CHCHD3: variants seen among roughly 807,000 people sequenced by gnomAD.
CHCHD3 encodes MICOS complex subunit MIC19.
CHCHD3 carries 20 observed loss-of-function variants against 38.2 expected under a neutral mutation model. The observed-to-expected ratio is 0.52, with a 90% confidence interval of 0.37 to 0.76. The LOEUF is 0.76. CHCHD3 is among the 30% of genes least tolerant of loss of function. CHCHD3 has a pLI of 0.00. For synonymous variants in CHCHD3, 82 were observed against 100.0 expected, an observed-to-expected ratio of 0.82 and a Z score of 1.07; for missense variants, 245 against 279.2, an observed-to-expected ratio of 0.88 and a Z score of 0.87.
At chr7:133,051,369 G>C (rs1486160180) in intron 2 of CHCHD3, among the ~76,000 whole-genome samples, 1 of 152,130 alleles carries the variant, frequency 6.6e-6, no homozygotes, top group Non-Finnish European at 1.5e-5. Flanking sequence ...CCAAAACACA[G>C]CTGCTCTGTT....
At chr7:132,828,039 T>C (rs138008523) in intron 6 of CHCHD3, among the ~76,000 whole-genome samples, 206 of 152,312 alleles carry the variant, frequency 1.4e-3, no homozygotes, top group African/African-American at 4.6e-3. Context: ...ATTCGGATTG[T>C]TGCTAGTTTT....
rs970024172 is a variant in CHCHD3 at position 132,785,547 on chromosome 7, T to C, written c.*90A>G. On this transcript the variant is annotated 3_prime_UTR_variant, in exon 8 of 8. Transcript: ENST00000262570. Reference sequence around the variant, plus strand: ...TTAGTGGTCTTCTCATTAGTGGTCTTCTCTTCAAATGGGTTGTTTTCTCAC... The same window carrying C: ...TTAGTGGTCTTCTCATTAGTGGTCTCCTCTTCAAATGGGTTGTTTTCTCAC... 7.0e-6 allele frequency: 9 copies of C among 1,280,902 alleles called. No individual in the cohort carries two copies. The highest frequency in any genetic ancestry group is 9.1e-6 in the Non-Finnish European group (8 of 881,258). The allele number at this position is 1,280,902 out of a possible 1,614,324, so 79.3% of individuals were successfully genotyped here.
chr7:132,831,783 T>C (rs543370494), intron 6 of CHCHD3, among the ~76,000 whole-genome samples: 4 of 152,186 alleles, frequency 2.6e-5, no homozygotes, highest in Non-Finnish European at 4.4e-5. Context: ...TGAGGTTGCA[T>C]TGACATTCAG....
rs553562177 is a variant in CHCHD3 at position 132,875,703 on chromosome 7, T to A, written c.453+9959A>T. On this transcript the variant is annotated intron_variant, in intron 5 of 7. Transcript: ENST00000262570. ...TATCTTTGAATAGAGCCTGGCTCACTGTAGGAGATTAATAAATGTGTTTTT... is the reference window on the plus strand; with the variant it reads ...TATCTTTGAATAGAGCCTGGCTCACAGTAGGAGATTAATAAATGTGTTTTT... 2.6e-5 allele frequency among the ~76,000 whole-genome samples: 4 copies of A among 152,344 alleles called. No individual in the cohort carries two copies. The East Asian group carries it at 7.7e-4, about 29-fold the overall frequency.
At chr7:132,787,689 G>T (rs1806353374) in intron 7 of CHCHD3, among the ~76,000 whole-genome samples, 1 of 152,158 alleles carries the variant, frequency 6.6e-6, no homozygotes, top group Non-Finnish European at 1.5e-5. Flanking sequence ...AGAAAGAGTA[G>T]AAGTCAAACA....
chr7:133,031,275 G>A (rs1813494850), intron 2 of CHCHD3, among the ~76,000 whole-genome samples: 1 of 152,110 alleles, frequency 6.6e-6, no homozygotes, highest in African/African-American at 2.4e-5. Flanking sequence ...AGATATGAAG[G>A]GAGGGAATGG....
chr7:132,917,874 A>AC (rs1291952524), intron 4 of CHCHD3, among the ~76,000 whole-genome samples: 2 of 151,582 alleles, frequency 1.3e-5, no homozygotes, highest in African/African-American at 2.4e-5. Flanking sequence ...AAAAAAAAAA[A>AC]AAACCTTTCC....
At chr7:132,845,463 C>A (rs938336419) in intron 5 of CHCHD3, among the ~76,000 whole-genome samples, 1 of 152,068 alleles carries the variant, frequency 6.6e-6, no homozygotes, top group African/African-American at 2.4e-5. Flanking sequence ...TTTTCTGTTC[C>A]TTAAGACGGA....
chr7:132,886,601 C>T (rs562893226), intron 4 of CHCHD3, among the ~76,000 whole-genome samples: 2 of 151,218 alleles, frequency 1.3e-5, no homozygotes, highest in South Asian at 2.1e-4. Flanking sequence ...GAATATATGC[C>T]TGACTACAAC....
chr7:132,889,092 G>A (rs1191199713), intron 4 of CHCHD3, among the ~76,000 whole-genome samples: 1 of 151,860 alleles, frequency 6.6e-6, no homozygotes, highest in African/African-American at 2.4e-5. Context: ...ACTATGAGAT[G>A]GAAATGTAGC....
intron 5 of CHCHD3, among the ~76,000 whole-genome samples, chr7:132,855,608 C>A (rs1808326713): frequency 6.6e-6 from 1 of 152,116 alleles, no homozygotes; most frequent in Non-Finnish European, 1.5e-5. Context: ...AATAGAGGCA[C>A]ATTGAAAAGT....
chr7:133,006,472 TAAATAAATAAATAAATAAATAAAA>T (rs1812703086), intron 3 of CHCHD3, among the ~76,000 whole-genome samples: 2 of 132,472 alleles, frequency 1.5e-5, no homozygotes, highest in South Asian at 2.5e-4. Context: ...GTCTCATAAA[TAAATAAATAAATAAATAAATAAAA>T]AAATAAATAA....
chr7:132,984,671 T>C (rs371727110), intron 3 of CHCHD3, among the ~76,000 whole-genome samples: 2 of 144,304 alleles, frequency 1.4e-5, no homozygotes, highest in East Asian at 2.1e-4. Context: ...GCCTCTGCCC[T>C]GCCGCCCCGT....
At chr7:133,031,291 G>T (rs1813495780) in intron 2 of CHCHD3, among the ~76,000 whole-genome samples, 1 of 151,968 alleles carries the variant, frequency 6.6e-6, no homozygotes, top group African/African-American at 2.4e-5. Flanking sequence ...AATGGTACGG[G>T]GAGACATAAT....
chr7:132,955,101 A>C (rs1428026062), intron 4 of CHCHD3, among the ~76,000 whole-genome samples: 1 of 151,848 alleles, frequency 6.6e-6, no homozygotes, highest in East Asian at 1.9e-4. Flanking sequence ...ATAGGGTCCC[A>C]AACTATCACA....
chr7:133,077,856 G>A (rs1053112012), intron 1 of CHCHD3, among the ~76,000 whole-genome samples: 2 of 151,626 alleles, frequency 1.3e-5, no homozygotes, highest in Admixed American at 6.6e-5. Context: ...GAAGAGGGAA[G>A]AAAAGCTATC....
intron 5 of CHCHD3, among the ~76,000 whole-genome samples, chr7:132,874,548 C>A (rs1325941695): frequency 6.6e-6 from 1 of 152,122 alleles, no homozygotes; most frequent in Non-Finnish European, 1.5e-5. Flanking sequence ...ATTTAATTAC[C>A]TTCCTACTTC....
At chr7:132,968,623 T>C (rs767369213) in intron 4 of CHCHD3, among the ~76,000 whole-genome samples, 44 of 152,126 alleles carry the variant, frequency 2.9e-4, no homozygotes, top group African/African-American at 9.7e-4. Context: ...CAAGTCTAAA[T>C]TGCACCCAAA....
chr7:132,989,400 G>GA (rs5887604), intron 3 of CHCHD3, among the ~76,000 whole-genome samples: 2,391 of 142,186 alleles, frequency 0.017, 26 homozygotes, highest in Non-Finnish European at 0.019. Flanking sequence ...TGATGCAAGA[G>GA]AAAAAAAAAA....
Sources: allele counts gnomAD v4.1 joint callset (sites outside exome capture counted in the v4.1 genomes callset), GRCh38; gene constraint gnomAD v4.1.1; transcripts MANE v1.5; gene names NCBI Gene and HGNC (gene_info 2026-07-23, HGNC 2026-07-21).